GNG7: variants seen among roughly 807,000 people sequenced by gnomAD.
GNG7 encodes guanine nucleotide-binding protein G(I)/G(S)/G(O) subunit gamma-7.
In GNG7, 1 loss-of-function variant was observed where a neutral mutation model predicts 4.0. That is an observed-to-expected ratio of 0.25 (90% CI 0.09 to 1.18). GNG7 has a LOEUF of 1.18. GNG7 is among the 50% of genes most tolerant of loss of function. The probability of loss-of-function intolerance (pLI) is 0.50; values close to 1 mark genes in which losing one functional copy is unlikely to be tolerated. For missense variants in GNG7, 86 were observed against 91.9 expected (o/e 0.94, Z 0.26); for synonymous variants, 34 against 36.9 (o/e 0.92, Z 0.29).
intron 3 of GNG7, among the ~76,000 whole-genome samples, chr19:2,526,158 T>TA (rs1036356569): frequency 6.6e-6 from 1 of 151,792 alleles, no homozygotes; most frequent in Admixed American, 6.6e-5. Flanking sequence ...TTTTAGTAGA[T>TA]ACGGGGTTTC....
chr19:2,680,990 C>A (rs556767825), intron 1 of GNG7, among the ~76,000 whole-genome samples: 11 of 151,718 alleles, frequency 7.3e-5, no homozygotes, highest in Non-Finnish European at 1.3e-4. Context: ...TCTTACTGGG[C>A]GTGAAGTGGT....
At chr19:2,541,364 CATA>C (rs759777189) in intron 3 of GNG7, among the ~76,000 whole-genome samples, 1 of 152,012 alleles carries the variant, frequency 6.6e-6, no homozygotes, top group Non-Finnish European at 1.5e-5. Flanking sequence ...TTCAGGAGAA[CATA>C]ATGAGGGTGC....
intron 1 of GNG7, among the ~76,000 whole-genome samples, chr19:2,678,146 CT>C (rs2144895965): frequency 6.6e-6 from 1 of 152,252 alleles, no homozygotes; most frequent in East Asian, 1.9e-4. Flanking sequence ...CACTGTGGCC[CT>C]GAGTGGAAGA....
rs1599412859 is a variant in GNG7, at chr19:2,597,333, A to G, written c.-77-42145T>C. ...TACTTGGGGCCAGTCACAGTGGCTC[A>G]CGCCTGTAATCCTAACACTGTGGGA... is the stretch of plus-strand genomic sequence containing the variant. On this transcript the variant is annotated intron_variant, in intron 2 of 4. Coordinates refer to ENST00000382159, the MANE Select transcript of GNG7 (RefSeq NM_052847.3). Among the ~76,000 whole-genome samples the G allele has an allele frequency of 2.0e-5, 3 of 152,216 alleles. No individual in the cohort carries two copies. The South Asian group carries it at 6.2e-4, about 32-fold the overall frequency.
rs141659290 is a variant in GNG7 at position 2,678,184 on chromosome 19, C to A, written c.-135+24462G>T. Among the ~76,000 whole-genome samples the A allele has an allele frequency of 8.2e-3, 1,242 of 151,282 alleles. 18 individuals carry two copies. Among genetic ancestry groups the A allele is most frequent in the African/African-American group, 0.029 (1,161 of 40,622 alleles). On this transcript the variant is annotated intron_variant, in intron 1 of 4. Transcript: ENST00000382159. ...GAGGTGGCGGTGGCCGACGCCAACA[C>A]TGTCACAGCAAGAAACAAGAGAGTG...
chr19:2,546,507 T>C lies in GNG7; in HGVS notation c.-38+8642A>G, dbSNP rs2144752576. ...GAAAATAGTGCCTTGTGACTGTCCC[T>C]GTCAGTGTGGGCCCTTTGCTCTCAG... On this transcript the variant is annotated intron_variant, in intron 3 of 4. Transcript: ENST00000382159. This position sits in a 1 kb window ranked among gnomAD's most constrained non-coding sequence, Gnocchi z 6.3. 1.3e-5 allele frequency among the ~76,000 whole-genome samples: 2 copies of C among 152,302 alleles called. No homozygotes were observed. Among genetic ancestry groups the C allele is most frequent in the South Asian group, 4.1e-4 (2 of 4,828 alleles).
intron 3 of GNG7, among the ~76,000 whole-genome samples, chr19:2,551,353 G>A (rs1489785992): frequency 3.3e-5 from 5 of 152,056 alleles, no homozygotes; most frequent in Admixed American, 2.6e-4. Flanking sequence ...CTCGGCCATC[G>A]GCCAGGTTTT....
At chr19:2,652,597 G>A (rs531111386) in intron 1 of GNG7, among the ~76,000 whole-genome samples, 9 of 152,064 alleles carry the variant, frequency 5.9e-5, no homozygotes, top group Non-Finnish European at 1.2e-4. Flanking sequence ...TCCAGCCTGG[G>A]GAACAGAGCG....
At chr19:2,577,013 G>T (rs116985921) in intron 2 of GNG7, among the ~76,000 whole-genome samples, 1 of 152,232 alleles carries the variant, frequency 6.6e-6, no homozygotes, top group African/African-American at 2.4e-5. Context: ...TTCACGCTAC[G>T]TGAGTCACCA....
intron 3 of GNG7, among the ~76,000 whole-genome samples, chr19:2,550,210 G>A (rs1979272733): frequency 6.6e-6 from 1 of 152,124 alleles, no homozygotes; most frequent in Non-Finnish European, 1.5e-5. Context: ...CAGCCCCCGT[G>A]GCGACCCTCC....
chr19:2,574,764 G>C (rs1370811525), intron 2 of GNG7, among the ~76,000 whole-genome samples: 2 of 152,146 alleles, frequency 1.3e-5, no homozygotes, highest in African/African-American at 4.8e-5. Flanking sequence ...TGGGCCCTAT[G>C]GTAATTCCGT....
intron 1 of GNG7, among the ~76,000 whole-genome samples, chr19:2,677,303 CA>C (rs1353025301): frequency 6.6e-6 from 1 of 150,904 alleles, no homozygotes; most frequent in Admixed American, 6.6e-5. Flanking sequence ...GGTTCTCAAC[CA>C]GGGGTCCTTC....
At chr19:2,515,273 G>A in intron 4 of GNG7, 126 bp from the exon 5 acceptor site, 10 of 1,174,312 alleles carry the variant, frequency 8.5e-6, no homozygotes, top group Non-Finnish European at 1.2e-5. Context: ...ATGGGGGCGT[G>A]GGCAAACAGT....
In GNG7 at chr19:2,525,971, A is replaced by ATTTTTTTTTTTTTTTTTTTTTTTTTT. The variant is rs35639922; in HGVS notation, c.-37-5247_-37-5246insAAAAAAAAAAAAAAAAAAAAAAAAAA. On this transcript the variant is annotated intron_variant, in intron 3 of 4. Transcript: ENST00000382159. ...ATTACAGGTGCCTGCCTCCACGCCA[A>ATTTTTTTTTTTTTTTTTTTTTTTTTT]TTTTTTTTTTTTTTTTTGAGACAGA... is the stretch of plus-strand genomic sequence containing the variant. Among the ~76,000 whole-genome samples the ATTTTTTTTTTTTTTTTTTTTTTTTTT allele has an allele frequency of 6.7e-4, 51 of 75,666 alleles. 8 individuals carry two copies. Among genetic ancestry groups the ATTTTTTTTTTTTTTTTTTTTTTTTTT allele is most frequent in the Non-Finnish European group, 1.1e-3 (46 of 43,516 alleles). The allele number at this position is 75,666 out of a possible 152,430, so 49.6% of individuals were successfully genotyped here.
At chr19:2,575,326 C>T (rs574769513) in intron 2 of GNG7, among the ~76,000 whole-genome samples, 13 of 152,324 alleles carry the variant, frequency 8.5e-5, no homozygotes, top group East Asian at 7.7e-4. Flanking sequence ...CCTCCTGCCT[C>T]GGCCTCTCAA....
At chr19:2,696,579 G>A (rs111637533) in intron 1 of GNG7, among the ~76,000 whole-genome samples, 3 of 152,202 alleles carry the variant, frequency 2.0e-5, no homozygotes, top group South Asian at 2.1e-4. Flanking sequence ...TTGCTGAATG[G>A]ATGGATGAGC....
intron 1 of GNG7, among the ~76,000 whole-genome samples, chr19:2,675,537 C>T (rs921170291): frequency 6.6e-6 from 1 of 152,166 alleles, no homozygotes; most frequent in Non-Finnish European, 1.5e-5. Context: ...TCAGATGTCG[C>T]GGCCCCTCTG....
At chr19:2,628,081 A>G (rs1052407730) in intron 2 of GNG7, among the ~76,000 whole-genome samples, 1 of 152,170 alleles carries the variant, frequency 6.6e-6, no homozygotes, top group South Asian at 2.1e-4. Context: ...AGTGGAGATC[A>G]TTATCTCAAT....
intron 1 of GNG7, among the ~76,000 whole-genome samples, chr19:2,695,879 C>A (rs887302135): frequency 1.3e-5 from 2 of 152,128 alleles, no homozygotes; most frequent in African/African-American, 2.4e-5. Context: ...ACAGAAGGGG[C>A]CGGGCATGGG....
Sources: gnomAD v4.1 joint callset for allele counts (sites outside exome capture counted in the v4.1 genomes callset) on GRCh38, gnomAD v4.1.1 for gene constraint, Gnocchi (gnomAD v3.1) non-coding constraint, MANE v1.5 for transcripts, NCBI Gene and HGNC (gene_info 2026-07-23, HGNC 2026-07-21) for gene names.